The following STIL variants were observed in gnomAD, a reference collection of about 807,000 sequenced individuals.
The protein encoded by STIL is SCL-interrupting locus protein.
In STIL, 55 loss-of-function variants were observed where a neutral mutation model predicts 110.1. The observed-to-expected ratio is 0.50, with a 90% confidence interval of 0.40 to 0.63. STIL has a LOEUF of 0.63. Ranked by LOEUF, STIL falls within the 20% of genes least tolerant of loss-of-function variation. STIL has a pLI of 0.00. For missense variants in STIL, 1,358 were observed against 1,530.0 expected (o/e 0.89, Z 1.87); for synonymous variants, 481 against 530.0 (o/e 0.91, Z 1.27).
rs1557766501 is a variant in STIL, at chr1:47,299,907, A to G, written c.699T>C (p.Tyr233=). 2 of 1,613,550 alleles carry G rather than the reference A, an allele frequency of 1.2e-6. No individual in the cohort carries two copies. The highest frequency in any genetic ancestry group is 1.7e-6 in the Non-Finnish European group (2 of 1,179,530). Residue 233 remains tyrosine (Y), a splice_region_variant and synonymous_variant, in exon 6 of 17, where the codon TAT becomes TAC. Transcript: ENST00000371877. ...AGATTAATGTATCTTTTACTTACCC[A>G]TATTTATAAGTCCCTTGAACTTGAG... ...NISQVQGTYK[Y]GYLTMDETRK...
chr1:47,259,285 C>T (rs1313096680), intron 16 of STIL, among the ~76,000 whole-genome samples: 19 of 76,104 alleles, frequency 2.5e-4, no homozygotes, highest in South Asian at 1.3e-3. Context: ...CGCGCCCGGC[C>T]TTTTTTTTTT....
At chr1:47,259,972 C>A in intron 16 of STIL, among the ~76,000 whole-genome samples, 1 of 152,200 alleles carries the variant, frequency 6.6e-6, no homozygotes, top group East Asian at 1.9e-4. Context: ...CCAAGCAAAA[C>A]TCCTTTCTCT....
chr1:47,311,841 G>C (rs893588913), intron 1 of STIL, among the ~76,000 whole-genome samples: 3 of 151,780 alleles, frequency 2.0e-5, no homozygotes, highest in Non-Finnish European at 4.4e-5. Flanking sequence ...GAGGTGAGGA[G>C]TTCGAGACCA....
intron 15 of STIL, 21 bp from the exon 16 acceptor site, chr1:47,260,560 T>C: frequency 1.2e-6 from 2 of 1,613,426 alleles, no homozygotes; most frequent in South Asian, 1.1e-5. Flanking sequence ...GAAAAAAAAT[T>C]TTTTTGAAAA....
chr1:47,304,804 G>T (rs1645904224), intron 3 of STIL, 85 bp downstream of exon 3: 1 of 1,016,504 alleles, frequency 9.8e-7, no homozygotes, highest in Non-Finnish European at 1.5e-6. Flanking sequence ...TGAATAATTG[G>T]TCATAGTAAT....
chr1:47,277,223 A>G (rs1279416357), intron 12 of STIL, among the ~76,000 whole-genome samples: 3 of 152,206 alleles, frequency 2.0e-5, no homozygotes, highest in Non-Finnish European at 2.9e-5. Flanking sequence ...TGAAGAACCT[A>G]AAGTATAAAC....
At position 47,313,685 on chromosome 1, in the gene STIL, T is replaced by C. The variant is rs989028798; in HGVS notation, c.-44+351A>G. 3.3e-5 allele frequency among the ~76,000 whole-genome samples: 5 copies of C among 152,198 alleles called. 1 individual carries two copies. The highest frequency in any genetic ancestry group is 7.3e-5 in the Non-Finnish European group (5 of 68,038). On this transcript the variant is annotated intron_variant, in intron 1 of 16. Coordinates refer to ENST00000371877, the MANE Select transcript of STIL (RefSeq NM_001048166.1). ...TTTACACTTTACTTCCAGTAGTCCATGAACTTCAAACATTAACTGATCCCT... is the reference window on the plus strand; with the variant it reads ...TTTACACTTTACTTCCAGTAGTCCACGAACTTCAAACATTAACTGATCCCT...
intron 8 of STIL, among the ~76,000 whole-genome samples, chr1:47,292,894 C>A (rs1018748493): frequency 6.6e-6 from 1 of 152,098 alleles, no homozygotes; most frequent in Non-Finnish European, 1.5e-5. Context: ...TAAAAATAGA[C>A]CTTCTCATTT....
intron 16 of STIL, among the ~76,000 whole-genome samples, chr1:47,255,727 T>C (rs575582595): frequency 1.3e-5 from 2 of 152,282 alleles, no homozygotes; most frequent in South Asian, 4.1e-4. Flanking sequence ...GTCACTCCAA[T>C]TGGGAATATG....
At chr1:47,295,891 C>T in intron 6 of STIL, 43 bp from the exon 7 acceptor site, 1 of 1,386,376 alleles carries the variant, frequency 7.2e-7, no homozygotes, top group Non-Finnish European at 1.0e-6. Context: ...AAATTATGTA[C>T]TTTTTACCTA....
At chr1:47,285,499 C>A (rs1039274983) in intron 10 of STIL, among the ~76,000 whole-genome samples, 8 of 152,078 alleles carry the variant, frequency 5.3e-5, no homozygotes, top group Non-Finnish European at 1.0e-4. Flanking sequence ...ACTGTATCAC[C>A]CAGGATGGAG....
At chr1:47,295,899 C>T in intron 6 of STIL, 51 bp from the exon 7 acceptor site, 1 of 1,315,284 alleles carries the variant, frequency 7.6e-7, no homozygotes, top group Non-Finnish European at 1.1e-6. Context: ...TACTTTTTAC[C>T]TAAAAGACAT....
chr1:47,295,930 C>A (rs1010453541), intron 6 of STIL, 82 bp from the exon 7 acceptor site: 39 of 1,025,892 alleles, frequency 3.8e-5, no homozygotes, highest in Non-Finnish European at 5.3e-5. Context: ...CTGAAGCATA[C>A]TTTAGAAAGG....
intron 8 of STIL, among the ~76,000 whole-genome samples, chr1:47,290,301 C>T (rs1306323673): frequency 2.0e-5 from 3 of 152,190 alleles, no homozygotes; most frequent in East Asian, 3.9e-4. Context: ...TATTGTTAAA[C>T]TTAAATGACA....
chr1:47,285,770 C>T (rs780442533), intron 10 of STIL, among the ~76,000 whole-genome samples: 2 of 151,100 alleles, frequency 1.3e-5, no homozygotes, highest in Non-Finnish European at 3.0e-5. Flanking sequence ...AGAATATCTT[C>T]TTTACCACAA....
intron 13 of STIL, among the ~76,000 whole-genome samples, chr1:47,271,278 C>A (rs1326801328): frequency 6.6e-6 from 1 of 151,916 alleles, no homozygotes; most frequent in African/African-American, 2.4e-5. Context: ...TGGTTAAAAC[C>A]AAAAAGTAGC....
intron 12 of STIL, among the ~76,000 whole-genome samples, chr1:47,278,942 C>CT (rs1375872707): frequency 6.6e-6 from 1 of 151,998 alleles, no homozygotes; most frequent in Non-Finnish European, 1.5e-5. Context: ...ATGTCATTGT[C>CT]TTTTTTCTGA....
In STIL at chr1:47,251,429, C is replaced by T. The variant is rs369376550; in HGVS notation, c.3574G>A (p.Asp1192Asn). The change falls in exon 17 of 17, where the codon GAT (aspartate) becomes AAT (asparagine). Residue 1192 changes from aspartate (D) to asparagine (N), a missense_variant. Coordinates refer to ENST00000371877, the MANE Select transcript of STIL (RefSeq NM_001048166.1). Reference protein sequence around the residue: ...SNCESVGTNADTPVLRNITNE... With the variant: ...SNCESVGTNANTPVLRNITNE... The stretch of plus-strand genomic sequence containing the variant: ...GTAATATTTCTCAATACTGGCGTAT[C>T]TGCGTTGGTCCCCACAGATTCACAG... The T allele has an allele frequency of 1.8e-4, 293 of 1,614,080 alleles. No individual in the cohort carries two copies. The highest frequency in any genetic ancestry group is 2.3e-4 in the Non-Finnish European group (270 of 1,180,036).
At chr1:47,291,097 C>T (rs1350991615) in intron 8 of STIL, among the ~76,000 whole-genome samples, 3 of 152,312 alleles carry the variant, frequency 2.0e-5, no homozygotes, top group East Asian at 3.9e-4. Context: ...CAGTGGCTCA[C>T]GCCTGTAATC....
Sources: allele counts gnomAD v4.1 joint callset (sites outside exome capture counted in the v4.1 genomes callset), GRCh38; gene constraint gnomAD v4.1.1; transcripts MANE v1.5; gene names NCBI Gene and HGNC (gene_info 2026-07-23, HGNC 2026-07-21).